CFAP54: variants seen among roughly 807,000 people sequenced by gnomAD.
CFAP54 encodes the protein cilia and flagella associated protein 54, also known as cilia- and flagella-associated protein 54.
In CFAP54, 290 loss-of-function variants were observed where a neutral mutation model predicts 370.4. The observed-to-expected ratio is 0.78, with a 90% CI of 0.71 to 0.86. CFAP54 has a LOEUF of 0.86. Ranked by LOEUF, CFAP54 falls within the 40% of genes least tolerant of loss-of-function variation. The probability of loss-of-function intolerance (pLI) is 0.00; values close to 1 mark genes in which losing one functional copy is unlikely to be tolerated. For missense variants in CFAP54, 3,399 were observed against 3,528.7 expected (o/e 0.96, Z 0.93); for synonymous variants, 1,206 against 1,236.5 (o/e 0.98, Z 0.52).
rs751563869 is a variant in CFAP54 at position 96,744,053 on chromosome 12, T to C, written c.7591T>C (p.Ser2531Pro). The change falls in exon 55 of 68, where the codon TCA becomes CCA. Residue 2531 changes from serine (S) to proline (P), a missense_variant. By Grantham distance (74) the Ser-to-Pro change is moderately conservative (BLOSUM62 -1). Coordinates refer to ENST00000524981, the MANE Select transcript of CFAP54 (RefSeq NM_001306084.2). Reference protein sequence around the residue: ...LAFGETIEFRSSNTKYANPLQ... With the variant: ...LAFGETIEFRPSNTKYANPLQ... ...TTTTGGAGAAACAATTGAATTTCGT[T>C]CATCAAACACTAAATATGCAAATCC... 6.2e-7 allele frequency: 1 copy of C among 1,611,172 alleles called. No homozygotes were observed. Among genetic ancestry groups the C allele is most frequent in the Non-Finnish European group, 8.5e-7 (1 of 1,178,760 alleles).
At chr12:96,587,123 T>C (rs4762155) in intron 22 of CFAP54, among the ~76,000 whole-genome samples, 60,944 of 151,868 alleles carry the variant, frequency 0.4, 13,105 homozygotes, top group Admixed American at 0.49. Context: ...GAGTGGGAGA[T>C]CAGTTCAGTT....
intron 58 of CFAP54, among the ~76,000 whole-genome samples, chr12:96,760,971 A>G (rs1958329671): frequency 6.6e-6 from 1 of 152,088 alleles, no homozygotes; most frequent in Non-Finnish European, 1.5e-5. Flanking sequence ...AATTCTTTTG[A>G]GTATATACCT....
chr12:96,616,971 G>T (rs1415240927), intron 26 of CFAP54, among the ~76,000 whole-genome samples: 5 of 152,114 alleles, frequency 3.3e-5, no homozygotes, highest in Non-Finnish European at 1.5e-5. Context: ...AAACTGGTAT[G>T]GAAAAAGTGG....
chr12:96,850,573 A>C (rs945491980), intron 66 of CFAP54, among the ~76,000 whole-genome samples: 2 of 151,982 alleles, frequency 1.3e-5, no homozygotes, highest in Non-Finnish European at 2.9e-5. Flanking sequence ...CCTGGCTCTG[A>C]TACTAAATAG....
Position 96,704,739 on chromosome 12 carries a change from A to G in CFAP54, c.6475-4A>G, listed in dbSNP as rs1317140279. The G allele has an allele frequency of 8.1e-7, 1 of 1,230,668 alleles. No individual in the cohort carries two copies. The highest frequency in any genetic ancestry group is 1.4e-5 in the South Asian group (1 of 69,622). The allele number at this position is 1,230,668 out of a possible 1,614,324, so 76.2% of individuals were successfully genotyped here. On this transcript the variant is annotated splice_region_variant and splice_polypyrimidine_tract_variant and intron_variant, in intron 46 of 67. Coordinates refer to ENST00000524981, the MANE Select transcript of CFAP54 (RefSeq NM_001306084.2). ...CTTGCTGTTACTATTTTGTATTTTGACAGATCTTTCAATCATTTGACTCAG... is the reference window on the plus strand; with the variant it reads ...CTTGCTGTTACTATTTTGTATTTTGGCAGATCTTTCAATCATTTGACTCAG...
intron 23 of CFAP54, among the ~76,000 whole-genome samples, chr12:96,589,890 G>A (rs1956109074): frequency 1.3e-5 from 2 of 152,108 alleles, no homozygotes; most frequent in Admixed American, 1.3e-4. Flanking sequence ...GGGATTACAG[G>A]TGTGCACCAC....
intron 66 of CFAP54, among the ~76,000 whole-genome samples, chr12:96,839,044 T>C (rs1282006128): frequency 1.3e-5 from 2 of 152,176 alleles, no homozygotes; most frequent in African/African-American, 2.4e-5. Flanking sequence ...AGGGGCTAGA[T>C]TAATATGTCC....
chr12:96,561,828 GGTGCGATCAC>G (rs1373569694), intron 17 of CFAP54, among the ~76,000 whole-genome samples: 1 of 138,196 alleles, frequency 7.2e-6, no homozygotes, highest in Non-Finnish European at 1.5e-5. Context: ...AGGCTGGAGT[GGTGCGATCAC>G]CCAGTGGTGC....
chr12:96,712,943 A>G (rs12297584), intron 48 of CFAP54, among the ~76,000 whole-genome samples: 2,581 of 152,314 alleles, frequency 0.017, 38 homozygotes, highest in African/African-American at 0.036. Context: ...AAAATACTTA[A>G]CATCACTAAT....
At chr12:96,605,769 G>A (rs919482541) in intron 26 of CFAP54, among the ~76,000 whole-genome samples, 7 of 152,120 alleles carry the variant, frequency 4.6e-5, no homozygotes, top group African/African-American at 9.7e-5. Context: ...GGTGATGAAC[G>A]GATGGTGGTG....
intron 50 of CFAP54, among the ~76,000 whole-genome samples, chr12:96,738,092 C>T (rs1364139847): frequency 6.6e-6 from 1 of 152,118 alleles, no homozygotes; most frequent in Non-Finnish European, 1.5e-5. Context: ...GGTCATCCAG[C>T]CTGGAGATGA....
chr12:96,777,801 A>G (rs1958535128), intron 60 of CFAP54, among the ~76,000 whole-genome samples: 1 of 152,164 alleles, frequency 6.6e-6, no homozygotes, highest in Non-Finnish European at 1.5e-5. Flanking sequence ...TAAACTTACC[A>G]TTGCTTTTGT....
At position 96,626,860 on chromosome 12, in the gene CFAP54, G is replaced by T. The variant is rs750494959; in HGVS notation, c.4024G>T (p.Val1342Phe). Residue 1342 changes from valine (V) to phenylalanine (F), a missense_variant, in exon 30 of 68, where the codon GTT (valine) becomes TTT (phenylalanine). By Grantham distance (50) the Val-to-Phe change is conservative. Transcript: ENST00000524981. ...AAGATTTCTGGAATTCTTTACACAA[G>T]TTATGCTAAAATGCATGAATGAGGA... ...KPRFLEFFTQ[V>F]MLKCMNEEKF... is the part of the protein sequence containing the mutation. 17 of 1,422,896 alleles carry T rather than the reference G, an allele frequency of 1.2e-5. No individual in the cohort carries two copies. Among genetic ancestry groups the T allele is most frequent in the African/African-American group, 1.4e-5 (1 of 70,564 alleles). 88.1% of individuals were successfully genotyped at this position (1,422,896 alleles called of 1,614,324 possible).
intron 22 of CFAP54, 131 bp from the exon 23 acceptor site, chr12:96,589,296 G>C (rs1956103218): frequency 1.4e-6 from 1 of 731,166 alleles, no homozygotes; most frequent in African/African-American, 1.8e-5. Flanking sequence ...AAATGTGAAT[G>C]ATTGTATCTG....
chr12:96,803,053 A>G (rs1958838895), intron 63 of CFAP54, among the ~76,000 whole-genome samples: 1 of 152,158 alleles, frequency 6.6e-6, no homozygotes, highest in Non-Finnish European at 1.5e-5. Flanking sequence ...TATATGTGCC[A>G]CATTTTCTTT....
At chr12:96,862,140 G>C (rs1959894227) in intron 67 of CFAP54, among the ~76,000 whole-genome samples, 1 of 152,074 alleles carries the variant, frequency 6.6e-6, no homozygotes, top group Admixed American at 6.5e-5. Context: ...TTTAAATGTA[G>C]ACATCTATGA....
intron 57 of CFAP54, among the ~76,000 whole-genome samples, chr12:96,756,865 G>A (rs1958265001): frequency 6.6e-6 from 1 of 150,612 alleles, no homozygotes; most frequent in Non-Finnish European, 1.5e-5. Context: ...TTCCCTAAAT[G>A]TGCAGTTGTG....
intron 26 of CFAP54, among the ~76,000 whole-genome samples, chr12:96,603,828 A>C (rs1421250275): frequency 6.6e-6 from 1 of 152,098 alleles, no homozygotes; most frequent in Non-Finnish European, 1.5e-5. Context: ...GGTCTTCTCT[A>C]CACTGTTTAT....
At chr12:96,530,261 G>A (rs115119847) in intron 9 of CFAP54, among the ~76,000 whole-genome samples, 2,578 of 152,314 alleles carry the variant, frequency 0.017, 78 homozygotes, top group African/African-American at 0.058. Context: ...AGGCCAAGAC[G>A]AGCTGATCCC....
Sources: gnomAD v4.1 joint callset for allele counts (sites outside exome capture counted in the v4.1 genomes callset) on GRCh38, gnomAD v4.1.1 for gene constraint, MANE v1.5 for transcripts, NCBI Gene and HGNC (gene_info 2026-07-23, HGNC 2026-07-21) for gene names.